Variants in COL9A1 observed in about 807,000 individuals in gnomAD.
COL9A1 encodes the protein collagen alpha-1(IX) chain.
A neutral mutation model predicts 142.6 loss-of-function variants in COL9A1; 104 were observed. The ratio of observed to expected loss-of-function variants is 0.73; its 90% CI spans 0.62 to 0.86. COL9A1 has a LOEUF of 0.86. Ranked by LOEUF, COL9A1 falls within the 40% of genes least tolerant of loss-of-function variation. COL9A1 has a pLI of 0.00. For missense variants in COL9A1, 1,210 were observed against 1,176.6 expected, an observed-to-expected ratio of 1.03 and a Z score of -0.42; for synonymous variants, 466 against 396.0, an observed-to-expected ratio of 1.18 and a Z score of -2.10.
At chr6:70,226,766 T>C (rs929904429) in intron 36 of COL9A1, among the ~76,000 whole-genome samples, 3 of 151,550 alleles carry the variant, frequency 2.0e-5, no homozygotes, top group South Asian at 2.1e-4. Context: ...TCATAAAATA[T>C]TGCCAGTTCT....
At chr6:70,280,500 C>G (rs1773076537) in intron 10 of COL9A1, 1 of 1,336,700 alleles carries the variant, frequency 7.5e-7, no homozygotes, top group Non-Finnish European at 9.6e-7. Context: ...CCCTCTGGCC[C>G]CAGTGGGGCT....
chr6:70,282,688 T>C (rs896334220), intron 7 of COL9A1, among the ~76,000 whole-genome samples: 15 of 152,162 alleles, frequency 9.9e-5, no homozygotes, highest in Non-Finnish European at 1.5e-5. Flanking sequence ...AGGACCCAGA[T>C]TGGGGAGGAG....
intron 33 of COL9A1, among the ~76,000 whole-genome samples, chr6:70,236,596 T>C (rs1019280391): frequency 6.6e-6 from 1 of 152,222 alleles, no homozygotes; most frequent in Non-Finnish European, 1.5e-5. Flanking sequence ...GATGAAGCAA[T>C]GCTTTTACTA....
intron 1 of COL9A1, among the ~76,000 whole-genome samples, chr6:70,302,421 T>A (rs1583359299): frequency 6.6e-6 from 1 of 151,938 alleles, no homozygotes; most frequent in South Asian, 2.1e-4. Context: ...TGGTGGTCAG[T>A]CTGGTCTTGA....
At chr6:70,280,598 G>A in intron 10 of COL9A1, 3 of 1,300,632 alleles carry the variant, frequency 2.3e-6, no homozygotes, top group South Asian at 1.6e-5. Context: ...AAATGCCAAC[G>A]CCTCCTAGAG....
chr6:70,289,092 C>T (rs994926071), intron 5 of COL9A1, among the ~76,000 whole-genome samples: 1 of 152,128 alleles, frequency 6.6e-6, no homozygotes, highest in African/African-American at 2.4e-5. Flanking sequence ...TTCCCTTCCC[C>T]TGTGTGGGTT....
chr6:70,274,067 G>T lies in COL9A1; in HGVS notation c.1045C>A (p.Pro349Thr). ...CTTACTGGAAATCCACGCGATCCAGGCACACCAGGTTCTCCCTAAAAATAA... is the reference window on the plus strand; with the variant it reads ...CTTACTGGAAATCCACGCGATCCAGTCACACCAGGTTCTCCCTAAAAATAA... ...SKGQKGEPGVPGSRGFPGRGI... is the reference protein window; with the variant it reads ...SKGQKGEPGVTGSRGFPGRGI... Residue 349 changes from proline (P) to threonine (T), a missense_variant, in exon 12 of 38, where the codon CCT becomes ACT. Coordinates refer to ENST00000357250, the MANE Select transcript of COL9A1 (RefSeq NM_001851.6). 4 of 1,583,522 alleles carry T rather than the reference G, an allele frequency of 2.5e-6. No homozygotes were observed. The highest frequency in any genetic ancestry group is 2.6e-6 in the Non-Finnish European group (3 of 1,163,060).
intron 37 of COL9A1, among the ~76,000 whole-genome samples, chr6:70,218,664 ACTTTT>A (rs372428882): frequency 4.5e-4 from 69 of 152,036 alleles, no homozygotes; most frequent in African/African-American, 1.6e-3. Context: ...TGTGGTTTTT[ACTTTT>A]CTTTTTCTAT....
intron 21 of COL9A1, among the ~76,000 whole-genome samples, chr6:70,255,706 A>G (rs1225708377): frequency 6.6e-6 from 1 of 152,216 alleles, no homozygotes; most frequent in Admixed American, 6.5e-5. Flanking sequence ...TGTACATATC[A>G]GCTAACTTCA....
intron 36 of COL9A1, among the ~76,000 whole-genome samples, chr6:70,227,681 T>C (rs1024474057): frequency 6.6e-6 from 1 of 152,086 alleles, no homozygotes. Flanking sequence ...AATACAAAAA[T>C]GAAATATGTA....
chr6:70,279,963 C>T (rs1203095672), intron 10 of COL9A1: 6 of 679,800 alleles, frequency 8.8e-6, no homozygotes, highest in South Asian at 1.7e-5. Flanking sequence ...TAAGAACAGA[C>T]GCCATTTCTT....
chr6:70,255,430 A>G, intron 21 of COL9A1, 40 bp from the exon 22 acceptor site: 1 of 1,546,172 alleles, frequency 6.5e-7, no homozygotes, highest in Non-Finnish European at 8.9e-7. Flanking sequence ...AGAAAAAGTT[A>G]CTTATTAATC....
intron 17 of COL9A1, among the ~76,000 whole-genome samples, chr6:70,267,327 G>GGTTTTTTTTTTTTT (rs757813161): frequency 1.6e-5 from 2 of 127,058 alleles, no homozygotes; most frequent in African/African-American, 5.9e-5. Context: ...TGGTTTTTTT[G>GGTTTTTTTTTTTTT]TTTTTTTTTT....
At chr6:70,218,590 C>T (rs1021520144) in intron 37 of COL9A1, among the ~76,000 whole-genome samples, 6 of 152,124 alleles carry the variant, frequency 3.9e-5, no homozygotes, top group Non-Finnish European at 7.3e-5. Context: ...GCCAAAAAGC[C>T]GGAAGCCAAA....
At chr6:70,236,272 G>A (rs1769907386) in intron 33 of COL9A1, among the ~76,000 whole-genome samples, 2 of 151,814 alleles carry the variant, frequency 1.3e-5, no homozygotes, top group South Asian at 2.1e-4. Context: ...TTTTTTAGCT[G>A]AAAGCAGACC....
Position 70,297,768 on chromosome 6 carries a change from G to A in COL9A1, c.299+2275C>T, listed in dbSNP as rs113785517. On this transcript the variant is annotated intron_variant, in intron 4 of 37. Transcript: ENST00000357250. ...TTGTGACCTTAACCCAAAAAAGACC[G>A]TGTTTTTAAGGAAAATAAACATAAC... Among the ~76,000 whole-genome samples the A allele has an allele frequency of 1.5e-3, 231 of 152,134 alleles. 1 individual carries two copies. Among genetic ancestry groups the A allele is most frequent in the African/African-American group, 4.8e-3 (200 of 41,532 alleles).
In COL9A1 at chr6:70,271,694, T is replaced by A. The variant is rs1458754255; in HGVS notation, c.1104A>T (p.Thr368=). The A allele has an allele frequency of 4.3e-6, 7 of 1,613,924 alleles. No homozygotes were observed. In the Middle Eastern group the frequency reaches 4.9e-4, roughly 114 times the overall value. Reference sequence around the variant, plus strand: ...GGCCAAGCTCTCCAGGGAGTCCTGCTGTCCCAGGAGGACCCTGAAGTCAAC... The same window carrying A: ...GGCCAAGCTCTCCAGGGAGTCCTGCAGTCCCAGGAGGACCCTGAAGTCAAC... ...GIPGPPGPPG[T]AGLPGELGRV... The change falls in exon 14 of 38, where the codon ACA becomes ACT. Residue 368 remains threonine, a synonymous_variant. Coordinates refer to ENST00000357250, the MANE Select transcript of COL9A1 (RefSeq NM_001851.6).
intron 26 of COL9A1, among the ~76,000 whole-genome samples, chr6:70,252,811 G>A (rs1771032531): frequency 6.6e-6 from 1 of 152,186 alleles, no homozygotes; most frequent in African/African-American, 2.4e-5. Flanking sequence ...AATCTCATGT[G>A]CAGCTCAAGA....
At chr6:70,283,212 C>T in intron 6 of COL9A1, 2 of 1,463,856 alleles carry the variant, frequency 1.4e-6, no homozygotes, top group East Asian at 2.5e-5. Context: ...GGCGCGCGTT[C>T]CCCCTGTTTA....
Sources: gnomAD v4.1 joint callset for allele counts (sites outside exome capture counted in the v4.1 genomes callset) on GRCh38, gnomAD v4.1.1 for gene constraint, MANE v1.5 for transcripts, NCBI Gene and HGNC (gene_info 2026-07-23, HGNC 2026-07-21) for gene names.